Variants in NLK observed in about 807,000 individuals in gnomAD.
NLK encodes nemo like kinase, also known as serine/threonine-protein kinase NLK.
In NLK, 11 loss-of-function variants were observed where a neutral mutation model predicts 59.0. The observed-to-expected ratio is 0.19, with a 90% confidence interval of 0.12 to 0.31. The LOEUF (loss-of-function observed/expected upper bound fraction) is 0.31. Among genes scored for constraint, NLK ranks in the 10% least tolerant of loss-of-function variants. NLK has a pLI of 1.00. For missense variants in NLK, 410 were observed against 661.1 expected (o/e 0.62, Z 4.16); for synonymous variants, 235 against 235.9 (o/e 1.00, Z 0.03).
chr17:28,073,935 T>G (rs1238548427), intron 1 of NLK, among the ~76,000 whole-genome samples: 1 of 152,250 alleles, frequency 6.6e-6, no homozygotes, highest in Admixed American at 6.5e-5. Flanking sequence ...TAAAGTTTGT[T>G]GAATTGAGTT....
intron 1 of NLK, among the ~76,000 whole-genome samples, chr17:28,077,073 CTTTTTT>C (rs35639099): frequency 6.6e-4 from 28 of 42,498 alleles, no homozygotes; most frequent in Admixed American, 2.7e-3. Context: ...CTCTTTCTTT[CTTTTTT>C]TTTTTTTTTT....
chr17:28,172,376 G>A (rs537768735), intron 6 of NLK, 141 bp from the exon 7 acceptor site: 1 of 378,128 alleles, frequency 2.6e-6, no homozygotes, highest in Non-Finnish European at 4.7e-6. Flanking sequence ...AGTGAAAGTA[G>A]GGGCTCCTGT....
At chr17:28,043,883 A>C (rs1352720402) in intron 1 of NLK, among the ~76,000 whole-genome samples, 1 of 152,238 alleles carries the variant, frequency 6.6e-6, no homozygotes, top group Non-Finnish European at 1.5e-5. Flanking sequence ...TTAAACCATA[A>C]AGCTACAGTT....
chr17:28,094,674 C>A (rs1567712376), intron 1 of NLK, among the ~76,000 whole-genome samples: 4 of 152,014 alleles, frequency 2.6e-5, no homozygotes, highest in African/African-American at 9.7e-5. Flanking sequence ...GGAGGAGAGA[C>A]AAAAGCTAAT....
chr17:28,123,222 G>A (rs1906143172), intron 2 of NLK, among the ~76,000 whole-genome samples: 1 of 152,180 alleles, frequency 6.6e-6, no homozygotes, highest in Non-Finnish European at 1.5e-5. Context: ...CTTCTGAAAT[G>A]TGGTGTGCAC....
At chr17:28,162,652 G>A (rs1401894948) in intron 4 of NLK, among the ~76,000 whole-genome samples, 4 of 151,894 alleles carry the variant, frequency 2.6e-5, no homozygotes, top group African/African-American at 7.3e-5. Flanking sequence ...AAACAAAAAC[G>A]TTCACCTCTA....
chr17:28,118,250 G>T (rs973615556), intron 1 of NLK, among the ~76,000 whole-genome samples: 2 of 152,118 alleles, frequency 1.3e-5, no homozygotes, highest in Admixed American at 6.6e-5. Flanking sequence ...CAGTATAGTT[G>T]ACATAGTAAT....
downstream of NLK, among the ~76,000 whole-genome samples, chr17:28,200,297 T>C (rs1354981951): frequency 6.6e-6 from 1 of 152,182 alleles, no homozygotes; most frequent in Non-Finnish European, 1.5e-5. Context: ...TACATTTCTT[T>C]TAGATATATG....
intron 2 of NLK, among the ~76,000 whole-genome samples, chr17:28,125,213 AAGAC>A (rs1157383944): frequency 3.9e-5 from 6 of 152,214 alleles, no homozygotes; most frequent in African/African-American, 1.4e-4. Flanking sequence ...TTAAGTTACA[AAGAC>A]AGTGTCAAAG....
chr17:28,177,709 T>A (rs1908740871), intron 7 of NLK, among the ~76,000 whole-genome samples: 1 of 152,236 alleles, frequency 6.6e-6, no homozygotes, highest in Non-Finnish European at 1.5e-5. Flanking sequence ...TTTGAAAGAC[T>A]TTTTATTAGG....
At chr17:28,187,405 C>T (rs867080677) in intron 8 of NLK, among the ~76,000 whole-genome samples, 2 of 152,184 alleles carry the variant, frequency 1.3e-5, no homozygotes, top group South Asian at 2.1e-4. Context: ...CGGGTTCAAG[C>T]GATTCTCCTG....
chr17:28,154,677 G>A (rs185985820), intron 3 of NLK, among the ~76,000 whole-genome samples: 140 of 152,218 alleles, frequency 9.2e-4, no homozygotes, highest in African/African-American at 3.3e-3. Flanking sequence ...TAAAGTATAT[G>A]TAATATCCTC....
intron 1 of NLK, among the ~76,000 whole-genome samples, chr17:28,116,999 A>G (rs768301852): frequency 7.2e-5 from 11 of 152,128 alleles, no homozygotes; most frequent in Admixed American, 6.5e-5. Context: ...TTTCCTCCCC[A>G]TGCAATATTC....
At chr17:28,152,474 A>G (rs1053136418) in intron 3 of NLK, among the ~76,000 whole-genome samples, 8 of 152,162 alleles carry the variant, frequency 5.3e-5, no homozygotes, top group Admixed American at 1.3e-4. Flanking sequence ...TGGCATCACA[A>G]CTTGGCTGCC....
At chr17:28,055,555 G>T (rs1441973142) in intron 1 of NLK, among the ~76,000 whole-genome samples, 1 of 151,984 alleles carries the variant, frequency 6.6e-6, no homozygotes, top group Non-Finnish European at 1.5e-5. Flanking sequence ...ATGTTGTCCA[G>T]GCTGGTCTCA....
intron 5 of NLK, among the ~76,000 whole-genome samples, chr17:28,164,456 C>T (rs1389247641): frequency 6.6e-6 from 1 of 151,802 alleles, no homozygotes; most frequent in African/African-American, 2.4e-5. Context: ...GTATAGTAGC[C>T]AATTCTTAAT....
intron 1 of NLK, among the ~76,000 whole-genome samples, chr17:28,095,197 A>G (rs1904658026): frequency 6.6e-6 from 1 of 152,188 alleles, no homozygotes; most frequent in Non-Finnish European, 1.5e-5. Flanking sequence ...AGCAAATGTT[A>G]CATGATACTA....
At chr17:28,187,220 A>C (rs902101145) in intron 8 of NLK, among the ~76,000 whole-genome samples, 1 of 152,038 alleles carries the variant, frequency 6.6e-6, no homozygotes, top group African/African-American at 2.4e-5. Context: ...CATGTAACTC[A>C]CCTCTACCAG....
At chr17:28,194,522 A>G in intron 10 of NLK, 60 bp from the exon 11 acceptor site, 2 of 1,228,182 alleles carry the variant, frequency 1.6e-6, no homozygotes, top group South Asian at 2.7e-5. Flanking sequence ...GGAAGTAGTG[A>G]ATTACCCTTT....
Sources: gnomAD v4.1 joint callset for allele counts (sites outside exome capture counted in the v4.1 genomes callset) on GRCh38, gnomAD v4.1.1 for gene constraint, MANE v1.5 for transcripts, NCBI Gene and HGNC (gene_info 2026-07-23, HGNC 2026-07-21) for gene names.